RALGPS1: variants seen among roughly 807,000 people sequenced by gnomAD.
The protein encoded by RALGPS1 is ras-specific guanine nucleotide-releasing factor RalGPS1.
RALGPS1 carries 19 observed loss-of-function variants against 78.8 expected under a neutral mutation model. The ratio of observed to expected loss-of-function variants is 0.24; its 90% CI spans 0.17 to 0.35. The LOEUF is 0.35. Among genes scored for constraint, RALGPS1 ranks in the 10% least tolerant of loss-of-function variants. The pLI is 1.00. For missense variants in RALGPS1, 454 were observed against 688.3 expected (o/e 0.66, Z 3.81); for synonymous variants, 228 against 256.3 (o/e 0.89, Z 1.06).
rs1415495884 is a variant in RALGPS1, at chr9:127,219,205, GCTGCCT to G, written c.*438_*443del. ...GTGCATGGGGTTGCTCGCCCACAGG[GCTGCCT>G]CAGATTTTGTACAACCCCGAAGCGT... On this transcript the variant is annotated 3_prime_UTR_variant, in exon 19 of 19. Coordinates refer to ENST00000259351, the MANE Select transcript of RALGPS1 (RefSeq NM_014636.3). This position sits in a 1 kb window ranked among gnomAD's most constrained non-coding sequence, Gnocchi z 5.0. The G allele has an allele frequency of 4.3e-6, 1 of 233,300 alleles. No individual in the cohort carries two copies. The highest frequency in any genetic ancestry group is 1.1e-4 in the East Asian group (1 of 9,356). 14.5% of individuals were successfully genotyped at this position (233,300 alleles called of 1,614,324 possible).
intron 2 of RALGPS1, among the ~76,000 whole-genome samples, chr9:126,962,565 A>G (rs1237703338): frequency 6.6e-6 from 1 of 152,248 alleles, no homozygotes; most frequent in African/African-American, 2.4e-5. Flanking sequence ...AAGAAAAACA[A>G]ATACCTGCCC....
rs1044037962 is a variant in RALGPS1 at position 126,977,679 on chromosome 9, T to C, written c.166-16T>C. On this transcript the variant is annotated splice_polypyrimidine_tract_variant and intron_variant, in intron 3 of 18. Coordinates refer to ENST00000259351, the MANE Select transcript of RALGPS1 (RefSeq NM_014636.3). ...GATGTACAGTATTTTCTAAAATTGA[T>C]TCTCTTTTGTTGCAGAGCCAGATTA... 3 of 1,566,898 alleles carry C rather than the reference T, an allele frequency of 1.9e-6. No homozygotes were observed. Among genetic ancestry groups the C allele is most frequent in the Non-Finnish European group, 2.6e-6 (3 of 1,145,942 alleles).
At chr9:127,055,189 C>G (rs1240675250) in intron 7 of RALGPS1, among the ~76,000 whole-genome samples, 1 of 145,892 alleles carries the variant, frequency 6.9e-6, no homozygotes, top group Non-Finnish European at 1.5e-5. Flanking sequence ...AGGCACTGCC[C>G]TAAATGCTTT....
chr9:127,138,287 A>G (rs2057534850), intron 8 of RALGPS1, among the ~76,000 whole-genome samples: 1 of 152,228 alleles, frequency 6.6e-6, no homozygotes, highest in Admixed American at 6.5e-5. Flanking sequence ...CCACAGAGAA[A>G]GGCAGCAATT....
chr9:127,132,264 C>T (rs559732675), intron 8 of RALGPS1, among the ~76,000 whole-genome samples: 9 of 152,202 alleles, frequency 5.9e-5, no homozygotes, highest in East Asian at 1.9e-4. Flanking sequence ...AAACTTCATT[C>T]GACTGATTTC....
chr9:127,121,318 G>A (rs2056060793), intron 8 of RALGPS1, among the ~76,000 whole-genome samples: 1 of 152,230 alleles, frequency 6.6e-6, no homozygotes, highest in Non-Finnish European at 1.5e-5. Flanking sequence ...TGGCTAGTAG[G>A]TAGAAGAGCT....
intron 8 of RALGPS1, among the ~76,000 whole-genome samples, chr9:127,077,914 A>C (rs1461184726): frequency 6.6e-6 from 1 of 152,192 alleles, no homozygotes; most frequent in Non-Finnish European, 1.5e-5. Flanking sequence ...CCACAAAGCA[A>C]AGCTTAAGGC....
At chr9:127,012,690 A>C (rs2044459653) in intron 4 of RALGPS1, among the ~76,000 whole-genome samples, 1 of 152,182 alleles carries the variant, frequency 6.6e-6, no homozygotes, top group Non-Finnish European at 1.5e-5. Flanking sequence ...CTGGTGTGCA[A>C]AGGGCCAGAT....
chr9:127,078,487 C>T (rs903315778), intron 8 of RALGPS1, among the ~76,000 whole-genome samples: 3 of 152,206 alleles, frequency 2.0e-5, no homozygotes. Context: ...TGCTGAGGTT[C>T]CACCCAGCCT....
At chr9:127,066,287 G>A (rs2049693258) in intron 7 of RALGPS1, among the ~76,000 whole-genome samples, 1 of 152,212 alleles carries the variant, frequency 6.6e-6, no homozygotes, top group African/African-American at 2.4e-5. Context: ...AGGGGTTCTA[G>A]GTTGTATTAA....
chr9:127,114,514 C>T (rs1014630500), intron 8 of RALGPS1, among the ~76,000 whole-genome samples: 4 of 152,168 alleles, frequency 2.6e-5, no homozygotes, highest in Non-Finnish European at 5.9e-5. Context: ...GTGCTCTTGC[C>T]GTCATTAGGC....
intron 1 of RALGPS1, among the ~76,000 whole-genome samples, chr9:126,919,587 G>A (rs1588436144): frequency 6.6e-6 from 1 of 152,336 alleles, no homozygotes; most frequent in South Asian, 2.1e-4. Context: ...AATAGATAAT[G>A]ATAATAGGAT....
intron 8 of RALGPS1, among the ~76,000 whole-genome samples, chr9:127,078,174 A>G (rs1467324166): frequency 6.6e-6 from 1 of 152,212 alleles, no homozygotes; most frequent in East Asian, 1.9e-4. Context: ...CAAAGACGCT[A>G]TCCCATCCAA....
chr9:127,019,998 C>CT, intron 4 of RALGPS1, among the ~76,000 whole-genome samples: 1 of 152,136 alleles, frequency 6.6e-6, no homozygotes, highest in Non-Finnish European at 1.5e-5. Flanking sequence ...GATCATATCA[C>CT]TTTTTTATCT....
chr9:127,021,393 C>T lies in RALGPS1; in HGVS notation c.217-13038C>T, dbSNP rs528970695. Among the ~76,000 whole-genome samples the T allele has an allele frequency of 6.6e-5, 10 of 151,242 alleles. No homozygotes were observed. In the East Asian group the frequency reaches 9.7e-4, roughly 15 times the overall value. Reference sequence around the variant, plus strand: ...TGGTGCACCTGTAATACCAGCTACTCGGGAGGCTGAGGCAGGAGAATTGCT... The same window carrying T: ...TGGTGCACCTGTAATACCAGCTACTTGGGAGGCTGAGGCAGGAGAATTGCT... On this transcript the variant is annotated intron_variant, in intron 4 of 18. Coordinates refer to ENST00000259351, the MANE Select transcript of RALGPS1 (RefSeq NM_014636.3).
intron 1 of RALGPS1, among the ~76,000 whole-genome samples, chr9:126,956,006 C>T (rs527379183): frequency 7.2e-5 from 11 of 152,354 alleles, no homozygotes; most frequent in Admixed American, 5.2e-4. Flanking sequence ...TTCTTCAGTT[C>T]CTGCCTGTGC....
chr9:126,982,849 T>TTCC (rs200547683), intron 4 of RALGPS1, among the ~76,000 whole-genome samples: 53,581 of 145,152 alleles, frequency 0.37, 11,939 homozygotes, highest in Non-Finnish European at 0.48. Flanking sequence ...TCCTTCTTTC[T>TTCC]TCCTCCTCCT....
intron 10 of RALGPS1, among the ~76,000 whole-genome samples, chr9:127,169,814 A>G (rs1208931665): frequency 1.3e-5 from 2 of 152,206 alleles, no homozygotes; most frequent in African/African-American, 4.8e-5. Flanking sequence ...CTTATAAAAT[A>G]GGCTTTGTGT....
chr9:127,137,108 C>T (rs912625899), intron 8 of RALGPS1, among the ~76,000 whole-genome samples: 2 of 152,208 alleles, frequency 1.3e-5, no homozygotes, highest in African/African-American at 4.8e-5. Context: ...ACATGGGTAA[C>T]TGAGATAATG....
Sources: allele counts gnomAD v4.1 joint callset (sites outside exome capture counted in the v4.1 genomes callset), GRCh38; gene constraint gnomAD v4.1.1; non-coding constraint Gnocchi (gnomAD v3.1); transcripts MANE v1.5; gene names NCBI Gene and HGNC (gene_info 2026-07-23, HGNC 2026-07-21).